Variants in AKAP10 observed in about 807,000 individuals in gnomAD.
The protein encoded by AKAP10 is A-kinase anchor protein 10, mitochondrial.
Under a neutral mutation model 80.8 loss-of-function variants are expected in AKAP10, and 24 were observed. The observed-to-expected ratio is 0.30, with a 90% CI of 0.22 to 0.42. The LOEUF (loss-of-function observed/expected upper bound fraction) is 0.42. Ranked by LOEUF, AKAP10 falls within the 10% of genes least tolerant of loss-of-function variation. AKAP10 has a pLI of 1.00. For synonymous variants in AKAP10, 291 were observed against 277.7 expected (o/e 1.05, Z -0.48); for missense variants, 661 against 794.9 (o/e 0.83, Z 2.03).
intron 12 of AKAP10, 62 bp downstream of exon 12, chr17:19,919,974 G>A (rs2042792333): frequency 7.1e-7 from 1 of 1,401,510 alleles, no homozygotes; most frequent in Admixed American, 1.8e-5. Flanking sequence ...AGTGGTCTTT[G>A]ACTTACAGTC....
intron 12 of AKAP10, among the ~76,000 whole-genome samples, 166 bp from the exon 13 acceptor site, chr17:19,910,144 A>G (rs779374371): frequency 2.0e-5 from 3 of 152,072 alleles, no homozygotes; most frequent in Non-Finnish European, 4.4e-5. Context: ...CCTGGCCAAC[A>G]TGGTGAAACC....
rs149485801 is a variant in AKAP10 at position 19,945,593 on chromosome 17, T to C, written c.976+1814A>G. 1.2e-3 allele frequency among the ~76,000 whole-genome samples: 176 copies of C among 152,266 alleles called. 1 individual carries two copies. Among genetic ancestry groups the C allele is most frequent in the African/African-American group, 4.1e-3 (169 of 41,562 alleles). ...CACCAGGCCTATGTTATAGCCGTTA[T>C]AGGTATCTGTGTGGGAGAAAGAAAA... is the stretch of plus-strand genomic sequence containing the variant. On this transcript the variant is annotated intron_variant, in intron 5 of 14. Transcript: ENST00000225737.
chr17:19,938,898 A>T (rs2152414114), intron 8 of AKAP10, among the ~76,000 whole-genome samples: 1 of 152,044 alleles, frequency 6.6e-6, no homozygotes, highest in East Asian at 1.9e-4. Context: ...ACGCTCAGCT[A>T]ATTTTTGTAT....
chr17:19,928,157 G>A (rs1310036937), intron 10 of AKAP10, among the ~76,000 whole-genome samples: 3 of 151,730 alleles, frequency 2.0e-5, no homozygotes, highest in African/African-American at 7.3e-5. Context: ...CACAGGAGGC[G>A]GAGGTTGCAG....
In AKAP10 at chr17:19,958,167, A is replaced by G. The variant is rs1199127800; in HGVS notation, c.724T>C (p.Cys242Arg). The stretch of plus-strand genomic sequence containing the variant: ...AGACGGAGAGAATGGGCACTGTCAC[A>G]TTCCTGGGAAAGCAGCAAGTGATTC... ...TQNHLLLSQE[C>R]DSAHSLRLEM... Residue 242 changes from cysteine to arginine, a missense_variant, in exon 4 of 15, where the codon TGT (cysteine) becomes CGT (arginine). By Grantham distance (180) the Cys-to-Arg change is radical. Coordinates refer to ENST00000225737, the MANE Select transcript of AKAP10 (RefSeq NM_007202.4). 1.2e-6 allele frequency: 2 copies of G among 1,614,076 alleles called. No individual in the cohort carries two copies. Among genetic ancestry groups the G allele is most frequent in the African/African-American group, 1.3e-5 (1 of 74,924 alleles).
chr17:19,924,462 A>G lies in AKAP10; in HGVS notation c.1697T>C (p.Ile566Thr). The G allele has an allele frequency of 1.9e-6, 3 of 1,607,360 alleles. No homozygotes were observed. Among genetic ancestry groups the G allele is most frequent in the Middle Eastern group, 3.3e-4 (2 of 6,050 alleles). ...KILKNFDEAIIVDAASLDPES... is the reference protein window; with the variant it reads ...KILKNFDEAITVDAASLDPES... ...TGGATCCAGACTTGCCGCATCCACA[A>G]TTATCGCTTCATCAAAATTTTTCAG... Residue 566 changes from isoleucine to threonine, a missense_variant, in exon 11 of 15, where the codon ATT becomes ACT. Coordinates refer to ENST00000225737, the MANE Select transcript of AKAP10 (RefSeq NM_007202.4).
At chr17:19,955,791 C>T (rs967917311) in intron 4 of AKAP10, among the ~76,000 whole-genome samples, 3 of 151,858 alleles carry the variant, frequency 2.0e-5, no homozygotes, top group Non-Finnish European at 4.4e-5. Flanking sequence ...GCTGAGAGTA[C>T]GTCATTGCAC....
At position 19,909,881 on chromosome 17, in the gene AKAP10, G is replaced by T. The variant is rs2042670251; in HGVS notation, c.1887+45C>A. ...TTTTAAACCTCACTTACATGAGGGT[G>T]GCACTTATAAACAGAAATCTTTTTA... On this transcript the variant is annotated intron_variant, in intron 13 of 14. Transcript: ENST00000225737. 1.9e-6 allele frequency: 3 copies of T among 1,579,824 alleles called. No individual in the cohort carries two copies. In the East Asian group the frequency reaches 6.7e-5, roughly 36 times the overall value.
intron 12 of AKAP10, among the ~76,000 whole-genome samples, chr17:19,917,250 G>T (rs994088716): frequency 6.6e-6 from 1 of 151,784 alleles, no homozygotes; most frequent in Admixed American, 6.6e-5. Flanking sequence ...GGCCGACAGA[G>T]AGAGACTCCA....
At chr17:19,908,684 G>C (rs1022607545) in intron 14 of AKAP10, among the ~76,000 whole-genome samples, 1 of 152,066 alleles carries the variant, frequency 6.6e-6, no homozygotes, top group Non-Finnish European at 1.5e-5. Flanking sequence ...TCGTCGCCCA[G>C]GCTGGAGTGC....
In AKAP10 at chr17:19,941,877, G is replaced by T; in HGVS notation, c.1010C>A (p.Pro337His). 3.1e-6 allele frequency: 5 copies of T among 1,610,714 alleles called. No individual in the cohort carries two copies. The highest frequency in any genetic ancestry group is 4.2e-6 in the Non-Finnish European group (5 of 1,178,504). Residue 337 changes from proline to histidine, a missense_variant, in exon 6 of 15, where the codon CCC becomes CAC. Pro to His is a moderately conservative substitution (Grantham distance 77, BLOSUM62 -2). Coordinates refer to ENST00000225737, the MANE Select transcript of AKAP10 (RefSeq NM_007202.4). Reference protein sequence around the residue: ...RICGEDGQVDPNCFVLAQSIV... With the variant: ...RICGEDGQVDHNCFVLAQSIV... The stretch of plus-strand genomic sequence containing the variant: ...GGACTGTGCCAAAACGAAACAGTTG[G>T]GATCCACCTGTCCATCTTCTCCACA...
intron 4 of AKAP10, among the ~76,000 whole-genome samples, chr17:19,957,490 G>A (rs1025126776): frequency 4.6e-5 from 7 of 151,688 alleles, no homozygotes; most frequent in East Asian, 1.9e-4. Flanking sequence ...AGCCGAGACC[G>A]CGCCATTGCA....
At chr17:19,941,337 T>A (rs2043049289) in intron 6 of AKAP10, among the ~76,000 whole-genome samples, 1 of 152,196 alleles carries the variant, frequency 6.6e-6, no homozygotes, top group Admixed American at 6.6e-5. Context: ...ACTCTTCTGA[T>A]AAATGTTAAG....
intron 9 of AKAP10, 127 bp from the exon 10 acceptor site, chr17:19,932,105 C>A (rs1159214659): frequency 2.3e-6 from 2 of 879,370 alleles, no homozygotes; most frequent in Non-Finnish European, 3.4e-6. Flanking sequence ...AATGTTTTTA[C>A]TTCTTGTTGT....
Position 19,967,628 on chromosome 17 carries a change from A to G in AKAP10, c.136+786T>C, listed in dbSNP as rs1042839277. Among the ~76,000 whole-genome samples the G allele has an allele frequency of 2.6e-5, 4 of 152,360 alleles. No homozygotes were observed. In the East Asian group the frequency reaches 7.7e-4, roughly 29 times the overall value. The stretch of plus-strand genomic sequence containing the variant: ...CCAGGCATGGTGGCTCACGCCTGTA[A>G]TCCCAGGACTTTGGGAGGCCAAGGC... On this transcript the variant is annotated intron_variant, in intron 2 of 14. Transcript: ENST00000225737.
At chr17:19,925,432 T>C (rs1269573990) in intron 10 of AKAP10, among the ~76,000 whole-genome samples, 1 of 152,086 alleles carries the variant, frequency 6.6e-6, no homozygotes, top group Non-Finnish European at 1.5e-5. Flanking sequence ...GTACAGCAAG[T>C]TCTCCTCCAG....
Position 19,962,868 on chromosome 17 carries a change from G to A in AKAP10, c.291C>T (p.His97=). The A allele has an allele frequency of 6.2e-7, 1 of 1,613,862 alleles. No homozygotes were observed. The highest frequency in any genetic ancestry group is 1.1e-5 in the South Asian group (1 of 91,018). Residue 97 remains histidine (H), a synonymous_variant, in exon 3 of 15, where the codon CAC becomes CAT. Coordinates refer to ENST00000225737, the MANE Select transcript of AKAP10 (RefSeq NM_007202.4). ...GGTCACCAAAATGAGCGGCCTCCAT[G>A]TGGCTTGGCTGCTTCTTAAGTGTGG... The part of the protein sequence containing the change: ...RTATLKKQPS[H]MEAAHFGDLG...
At chr17:19,974,437 G>A (rs1366509561) in intron 1 of AKAP10, among the ~76,000 whole-genome samples, 1 of 152,068 alleles carries the variant, frequency 6.6e-6, no homozygotes, top group Non-Finnish European at 1.5e-5. Flanking sequence ...TAGCGTTAGT[G>A]TACTCTATGT....
At chr17:19,963,093 T>C in intron 2 of AKAP10, 71 bp from the exon 3 acceptor site, 1 of 1,296,050 alleles carries the variant, frequency 7.7e-7, no homozygotes, top group Non-Finnish European at 1.0e-6. Flanking sequence ...AAAGGGGCTT[T>C]CAGAGAACTT....
Sources: allele counts gnomAD v4.1 joint callset (sites outside exome capture counted in the v4.1 genomes callset), GRCh38; gene constraint gnomAD v4.1.1; transcripts MANE v1.5; gene names NCBI Gene and HGNC (gene_info 2026-07-23, HGNC 2026-07-21).